The following ASB5 variants were observed in gnomAD, a reference collection of about 807,000 sequenced individuals.
ASB5 encodes ankyrin repeat and SOCS box protein 5.
In ASB5, 45 loss-of-function variants were observed where a neutral mutation model predicts 42.1. The observed-to-expected ratio is 1.07, with a 90% CI of 0.84 to 1.37. ASB5 has a LOEUF of 1.37. Among genes scored for constraint, ASB5 ranks in the 40% most tolerant of loss-of-function variants. The probability of loss-of-function intolerance (pLI) is 0.00; values close to 1 mark genes in which losing one functional copy is unlikely to be tolerated. For missense variants in ASB5, 402 were observed against 399.8 expected (o/e 1.01, Z -0.05); for synonymous variants, 147 against 150.6 (o/e 0.98, Z 0.18).
chr4:176,217,106 G>T, intron 5 of ASB5, 97 bp from the exon 6 acceptor site: 1 of 971,190 alleles, frequency 1.0e-6, no homozygotes, highest in Non-Finnish European at 1.5e-6. Flanking sequence ...ATAGAGGAAG[G>T]TTATTAAGGG....
chr4:176,216,537 G>A (rs1427901509), intron 6 of ASB5, among the ~76,000 whole-genome samples: 2 of 152,220 alleles, frequency 1.3e-5, no homozygotes, highest in Admixed American at 1.3e-4. Context: ...TTTTAGTAGA[G>A]ACAGGGTTTC....
At chr4:176,268,645 T>C (rs1179223603) in intron 1 of ASB5, among the ~76,000 whole-genome samples, 1 of 152,080 alleles carries the variant, frequency 6.6e-6, no homozygotes, top group Admixed American at 6.6e-5. Flanking sequence ...GGAATAGATA[T>C]ATTTCTATTA....
chr4:176,263,029 T>C (rs1156833119), intron 1 of ASB5, among the ~76,000 whole-genome samples: 1 of 152,206 alleles, frequency 6.6e-6, no homozygotes, highest in African/African-American at 2.4e-5. Context: ...TGGAAGATGT[T>C]TGGGTTATGG....
chr4:176,240,679 C>T lies in ASB5; in HGVS notation c.197-15338G>A, dbSNP rs533390517. 9.7e-4 allele frequency among the ~76,000 whole-genome samples: 148 copies of T among 152,266 alleles called. 1 individual carries two copies. The highest frequency in any genetic ancestry group is 1.9e-3 in the Non-Finnish European group (126 of 68,002). On this transcript the variant is annotated intron_variant, in intron 1 of 6. Transcript: ENST00000296525. ...ACAAGAAAGCAAGATCACCTTCTGA[C>T]AATTTTTAAAGCTAAAAACTTGGGG... is the stretch of plus-strand genomic sequence containing the variant.
rs556607993 is a variant in ASB5, at chr4:176,219,928, G to C, written c.670+1227C>G. 3.9e-4 allele frequency among the ~76,000 whole-genome samples: 60 copies of C among 152,098 alleles called. 2 individuals are homozygous for C. In the South Asian group the frequency reaches 0.011, roughly 27 times the overall value. ...AAAGGAATGAAAGGCTCTAAAGCAG[G>C]GGTGTCCAATCGTTTGGTTTCCCTT... On this transcript the variant is annotated intron_variant, in intron 5 of 6. Coordinates refer to ENST00000296525, the MANE Select transcript of ASB5 (RefSeq NM_080874.4).
chr4:176,272,560 G>T (rs1754488547), upstream of ASB5, among the ~76,000 whole-genome samples: 2 of 152,018 alleles, frequency 1.3e-5, no homozygotes, highest in Non-Finnish European at 1.5e-5. Flanking sequence ...CTCCATGCAG[G>T]TATCAGAGGA....
chr4:176,220,231 A>C (rs1472702101), intron 5 of ASB5, among the ~76,000 whole-genome samples: 1 of 152,180 alleles, frequency 6.6e-6, no homozygotes, highest in African/African-American at 2.4e-5. Context: ...GTCAATGACT[A>C]TTAACAGAAC....
At chr4:176,224,038 G>T (rs527655272) in intron 2 of ASB5, among the ~76,000 whole-genome samples, 3 of 152,158 alleles carry the variant, frequency 2.0e-5, no homozygotes, top group South Asian at 4.2e-4. Flanking sequence ...ATGAGAAAAG[G>T]AGGCTCAGGT....
chr4:176,217,082 G>A (rs1223330354), intron 5 of ASB5, 73 bp from the exon 6 acceptor site: 1 of 1,279,866 alleles, frequency 7.8e-7, no homozygotes, highest in Non-Finnish European at 1.1e-6. Context: ...AGTGGGGATA[G>A]AAAAGGAAAG....
intron 1 of ASB5, among the ~76,000 whole-genome samples, chr4:176,243,393 G>T (rs1045242655): frequency 6.6e-5 from 10 of 151,770 alleles, no homozygotes; most frequent in South Asian, 2.1e-4. Flanking sequence ...GTAAATTTTT[G>T]AATTTTATAC....
chr4:176,263,771 G>A (rs1754306769), intron 1 of ASB5, among the ~76,000 whole-genome samples: 1 of 152,132 alleles, frequency 6.6e-6, no homozygotes, highest in African/African-American at 2.4e-5. Context: ...AGCACCAAAA[G>A]TCACAGGAAA....
intron 1 of ASB5, among the ~76,000 whole-genome samples, chr4:176,238,654 T>A (rs573119584): frequency 6.6e-6 from 1 of 152,270 alleles, no homozygotes; most frequent in Admixed American, 6.5e-5. Flanking sequence ...GTTATCTATC[T>A]TTTTTTCATC....
chr4:176,219,584 ATATATATATATATAT>A lies in ASB5; in HGVS notation c.670+1556_670+1570del, dbSNP rs1753134844. ...ATGTATATATTTGTATGATATATAT[ATATATATATATATAT>A]ATATATATATATATATATAGGCTGG... On this transcript the variant is annotated intron_variant, in intron 5 of 6. Transcript: ENST00000296525. Among the ~76,000 whole-genome samples, 8 of 49,032 alleles carry A rather than the reference ATATATATATATATAT, an allele frequency of 1.6e-4. 2 individuals are homozygous for A. Among genetic ancestry groups the A allele is most frequent in the East Asian group, 1.4e-3 (3 of 2,168 alleles). The allele number at this position is 49,032 out of a possible 152,430, so 32.2% of individuals were successfully genotyped here. A position where few individuals can be genotyped will look rare whatever the true frequency, so the allele number is the denominator to read the frequency against.
intron 1 of ASB5, among the ~76,000 whole-genome samples, chr4:176,237,927 A>C (rs1753725355): frequency 6.6e-6 from 1 of 152,278 alleles, no homozygotes; most frequent in African/African-American, 2.4e-5. Flanking sequence ...AGTAAGTATG[A>C]GATGTGCCTT....
chr4:176,256,027 T>C (rs908979622), intron 1 of ASB5, among the ~76,000 whole-genome samples: 4 of 152,208 alleles, frequency 2.6e-5, no homozygotes, highest in Non-Finnish European at 5.9e-5. Flanking sequence ...AAGACTGAGC[T>C]ATGTCCTGAA....
intron 1 of ASB5, among the ~76,000 whole-genome samples, chr4:176,242,742 C>T (rs1214012043): frequency 6.6e-6 from 1 of 152,064 alleles, no homozygotes; most frequent in African/African-American, 2.4e-5. Context: ...TTGCAGCTTT[C>T]TTATTTTCTT....
At chr4:176,250,027 T>C (rs1401200196) in intron 1 of ASB5, among the ~76,000 whole-genome samples, 1 of 145,268 alleles carries the variant, frequency 6.9e-6, no homozygotes, top group Admixed American at 7.1e-5. Context: ...ATCACACCAC[T>C]GCACTCCAGC....
intron 1 of ASB5, among the ~76,000 whole-genome samples, chr4:176,245,482 A>C (rs1017871537): frequency 6.6e-6 from 1 of 152,224 alleles, no homozygotes; most frequent in Non-Finnish European, 1.5e-5. Context: ...TGTGGAAGAC[A>C]GTGTGGCGAT....
intron 1 of ASB5, among the ~76,000 whole-genome samples, chr4:176,254,872 C>G (rs1276160154): frequency 2.6e-5 from 4 of 152,196 alleles, no homozygotes; most frequent in Non-Finnish European, 5.9e-5. Flanking sequence ...TGGCTCATGC[C>G]TGTAATCCCA....
Sources: gnomAD v4.1 joint callset for allele counts (sites outside exome capture counted in the v4.1 genomes callset) on GRCh38, gnomAD v4.1.1 for gene constraint, MANE v1.5 for transcripts, NCBI Gene and HGNC (gene_info 2026-07-23, HGNC 2026-07-21) for gene names.